YY1AP1: variants seen among roughly 807,000 people sequenced by gnomAD.
YY1AP1 encodes YY1-associated protein 1.
Under a neutral mutation model 39.9 loss-of-function variants are expected in YY1AP1, and 43 were observed. The ratio of observed to expected loss-of-function variants is 1.08; its 90% confidence interval spans 0.84 to 1.39. The LOEUF is 1.39. Ranked by LOEUF, YY1AP1 falls within the 40% of genes most tolerant of loss-of-function variation. YY1AP1 has a pLI of 0.00. For synonymous variants in YY1AP1, 292 were observed against 331.3 expected (o/e 0.88, Z 1.29); for missense variants, 813 against 900.7 (o/e 0.90, Z 1.25).
At chr1:155,661,546 C>CACACACACAA in intron 9 of YY1AP1, 123 bp from the exon 10 acceptor site, 1 of 1,523,186 alleles carries the variant, frequency 6.6e-7, no homozygotes. Flanking sequence ...CACACACACA[C>CACACACACAA]ACACAAGACC....
chr1:155,659,557 T>C lies in YY1AP1; in HGVS notation c.*100A>G. On this transcript the variant is annotated 3_prime_UTR_variant, in exon 11 of 11. Coordinates refer to ENST00000355499, the MANE Select transcript of YY1AP1 (RefSeq NM_139119.3). The stretch of plus-strand genomic sequence containing the variant: ...GAGCCCCAGTTGCAAAATCTGGGGT[T>C]TAAGTACCCTTTAGGGGTTTCCTAT... 1 of 1,368,698 alleles carries C rather than the reference T, an allele frequency of 7.3e-7. No homozygotes were observed. Among genetic ancestry groups the C allele is most frequent in the Admixed American group, 2.1e-5 (1 of 48,138 alleles). The allele number at this position is 1,368,698 out of a possible 1,614,324, so 84.8% of individuals were successfully genotyped here.
In YY1AP1 at chr1:155,676,674, C is replaced by T. The variant is rs372787323; in HGVS notation, c.198G>A (p.Lys66=). Residue 66 remains lysine (K), a synonymous_variant, in exon 5 of 11, where the codon AAG becomes AAA. Transcript: ENST00000355499. ...QIAKELFEQL[K]MKKPSAKQQK... is the part of the protein sequence containing the mutation. ...GCTGTTTGGCTGAAGGTTTCTTCAT[C>T]TTCAGCTGTTCAAATAGTTCCTTCG... is the stretch of plus-strand genomic sequence containing the variant. 6.2e-7 allele frequency: 1 copy of T among 1,614,066 alleles called. No individual in the cohort carries two copies. Among genetic ancestry groups the T allele is most frequent in the East Asian group, 2.2e-5 (1 of 44,896 alleles).
intron 9 of YY1AP1, 25 bp downstream of exon 9, chr1:155,668,602 G>A (rs748359101): frequency 1.7e-5 from 27 of 1,613,950 alleles, no homozygotes; most frequent in Non-Finnish European, 2.1e-5. Flanking sequence ...GAGGTGCCTG[G>A]ATAGTGCATG....
chr1:155,683,397 C>A (rs1053092714), intron 2 of YY1AP1, among the ~76,000 whole-genome samples: 1 of 152,022 alleles, frequency 6.6e-6, no homozygotes, highest in African/African-American at 2.4e-5. Flanking sequence ...ACCTGTAATC[C>A]CAGCACTTTG....
chr1:155,660,109 G>C lies in YY1AP1; in HGVS notation c.1801C>G (p.Pro601Ala). ...ATLLVNPTSF[P>A]CPLNQPLVAS... ...ACAAGGGGCTGGTTCAATGGACAGGGGAAGGAAGTAGGGTTAACCAAGAGG... is the reference window on the plus strand; with the variant it reads ...ACAAGGGGCTGGTTCAATGGACAGGCGAAGGAAGTAGGGTTAACCAAGAGG... Residue 601 changes from proline to alanine, a missense_variant, in exon 11 of 11, where the codon CCC becomes GCC. Around this residue, in one of 3 missense-constraint regions of YY1AP1, gnomAD observed 586 missense variants for 647.4 expected, o/e 0.91. Transcript: ENST00000355499. 1 of 1,614,212 alleles carries C rather than the reference G, an allele frequency of 6.2e-7. No individual in the cohort carries two copies. Among genetic ancestry groups the C allele is most frequent in the Non-Finnish European group, 8.5e-7 (1 of 1,180,034 alleles).
chr1:155,660,562 T>C lies in YY1AP1; in HGVS notation c.1348A>G (p.Ile450Val). ...EAPPSKMVLR[I>V]PHPIQPATVL... is the part of the protein sequence containing the mutation. ...GTGGCTGGCTGTATTGGGTGAGGAA[T>C]CCGGAGCACCATTTTGCTCGGAGGG... Residue 450 changes from isoleucine to valine, a missense_variant, in exon 11 of 11, where the codon ATT (isoleucine) becomes GTT (valine). Physicochemically the swap from Ile to Val is conservative, Grantham distance 29 (BLOSUM62 3). This residue lies in a region of YY1AP1 where 586 missense variants were observed against 647.4 expected (regional missense o/e 0.91). Transcript: ENST00000355499. The C allele has an allele frequency of 6.2e-7, 1 of 1,614,154 alleles. No homozygotes were observed. Among genetic ancestry groups the C allele is most frequent in the Non-Finnish European group, 8.5e-7 (1 of 1,180,026 alleles).
At chr1:155,670,767 C>CGGGTTCA (rs1469284387) in intron 7 of YY1AP1, 1 of 306,978 alleles carries the variant, frequency 3.3e-6, no homozygotes, top group Admixed American at 4.8e-5. Flanking sequence ...CTCCGCCTCC[C>CGGGTTCA]GGGTTCAGGC....
chr1:155,668,510 A>C (rs541740199), intron 9 of YY1AP1, 117 bp downstream of exon 9: 2 of 1,514,078 alleles, frequency 1.3e-6, no homozygotes, highest in Admixed American at 3.5e-5. Context: ...CTAGTATATA[A>C]GTAGGAGAAA....
In YY1AP1 at chr1:155,660,899, G is replaced by A; in HGVS notation, c.1011C>T (p.Ser337=). The A allele has an allele frequency of 1.9e-6, 3 of 1,614,162 alleles. No homozygotes were observed. Among genetic ancestry groups the A allele is most frequent in the Non-Finnish European group, 2.5e-6 (3 of 1,180,026 alleles). ...LPFWLKASLP[S]IQEELRHMAD... ...CCATGTGCCGCAGTTCTTCCTGGAT[G>A]GATGGCAGACTGGCCTATTGGAAAT... is the stretch of plus-strand genomic sequence containing the variant. Residue 337 remains serine, a synonymous_variant, in exon 11 of 11, where the codon TCC becomes TCT. Coordinates refer to ENST00000355499, the MANE Select transcript of YY1AP1 (RefSeq NM_139119.3).
At position 155,660,616 on chromosome 1, in the gene YY1AP1, T is replaced by C. The variant is rs761330878; in HGVS notation, c.1294A>G (p.Thr432Ala). The stretch of plus-strand genomic sequence containing the variant: ...TCTGAATGAGTTGATTGGGCTGGTG[T>C]TTTCCCAGGGTTGAAGCTGGGCTGG... ...SLQPSFNPGK[T>A]PAQSTHSEAP... The change falls in exon 11 of 11, where the codon ACA becomes GCA. Residue 432 changes from threonine (T) to alanine (A), a missense_variant. By Grantham distance (58) the Thr-to-Ala change is moderately conservative. Transcript: ENST00000355499. The C allele has an allele frequency of 1.2e-6, 2 of 1,614,054 alleles. No individual in the cohort carries two copies. Among genetic ancestry groups the C allele is most frequent in the Non-Finnish European group, 1.7e-6 (2 of 1,179,954 alleles).
chr1:155,665,451 T>A (rs1358721490), intron 9 of YY1AP1, among the ~76,000 whole-genome samples: 1 of 151,326 alleles, frequency 6.6e-6, no homozygotes, highest in Non-Finnish European at 1.5e-5. Flanking sequence ...TACAAAAAAT[T>A]AGCCAGGCGT....
rs768588835 is a variant in YY1AP1 at position 155,660,924 on chromosome 1, T to G, written c.997-11A>C. ...GGATGGCAGACTGGCCTATTGGAAA[T>G]GAGAACACTCTGATCCAGCACATGT... On this transcript the variant is annotated splice_polypyrimidine_tract_variant and intron_variant, in intron 10 of 10. Transcript: ENST00000355499. The G allele has an allele frequency of 6.2e-7, 1 of 1,614,050 alleles. No homozygotes were observed. The highest frequency in any genetic ancestry group is 2.2e-5 in the East Asian group (1 of 44,886).
intron 2 of YY1AP1, among the ~76,000 whole-genome samples, chr1:155,680,797 G>A (rs945665234): frequency 1.3e-5 from 2 of 152,154 alleles, no homozygotes; most frequent in Non-Finnish European, 2.9e-5. Flanking sequence ...GAACTCCTGA[G>A]CTCCAGTGAT....
intron 7 of YY1AP1, 148 bp downstream of exon 7, chr1:155,672,412 A>C (rs1389650974): frequency 1.2e-6 from 1 of 821,626 alleles, no homozygotes; most frequent in Non-Finnish European, 2.0e-6. Flanking sequence ...ATGAGTACAA[A>C]GGGAGGATAA....
intron 3 of YY1AP1, 167 bp from the exon 4 acceptor site, chr1:155,679,679 T>C (rs1651248643): frequency 1.0e-6 from 1 of 985,406 alleles, no homozygotes; most frequent in Non-Finnish European, 1.2e-6. Flanking sequence ...CAAACCCACA[T>C]ATGGAATGAC....
chr1:155,674,513 G>A (rs1407877599), intron 6 of YY1AP1, among the ~76,000 whole-genome samples: 1 of 152,008 alleles, frequency 6.6e-6, no homozygotes, highest in Non-Finnish European at 1.5e-5. Context: ...TAAAGATGAG[G>A]AGGAGGACCC....
chr1:155,683,682 AC>A (rs1384511785), intron 2 of YY1AP1, among the ~76,000 whole-genome samples: 1 of 151,990 alleles, frequency 6.6e-6, no homozygotes, highest in Admixed American at 6.6e-5. Flanking sequence ...AACAAAAAAA[AC>A]AACAACAAGT....
In YY1AP1 at chr1:155,661,558, C is replaced by A; in HGVS notation, c.880-135G>T. On this transcript the variant is annotated intron_variant, in intron 9 of 10. Transcript: ENST00000355499. ...ACACACACACACACACACAAGACCA[C>A]ATACACAAACATCCATGAACACACA... 10 of 1,434,626 alleles carry A rather than the reference C, an allele frequency of 7.0e-6. No individual in the cohort carries two copies. In the South Asian group the frequency reaches 1.2e-4, roughly 17 times the overall value. The allele number at this position is 1,434,626 out of a possible 1,614,324, so 88.9% of individuals were successfully genotyped here. A position where few individuals can be genotyped will look rare whatever the true frequency, so the allele number is the denominator to read the frequency against.
At chr1:155,661,491 A>G (rs1648116337) in intron 9 of YY1AP1, 68 bp from the exon 10 acceptor site, 1 of 1,589,328 alleles carries the variant, frequency 6.3e-7, no homozygotes, top group Non-Finnish European at 8.6e-7. Context: ...CAGGCTGGTG[A>G]ATGGGGTGGT....
Sources: gnomAD v4.1 joint callset for allele counts (sites outside exome capture counted in the v4.1 genomes callset) on GRCh38, gnomAD v4.1.1 for gene constraint, gnomAD v4.1.1 regional missense constraint, MANE v1.5 for transcripts, NCBI Gene and HGNC (gene_info 2026-07-23, HGNC 2026-07-21) for gene names.